The following AGAP1 variants were observed in gnomAD, a reference collection of about 807,000 sequenced individuals.
The protein encoded by AGAP1 is ArfGAP with GTPase domain, ankyrin repeat and PH domain 1.
AGAP1 carries 29 observed loss-of-function variants against 105.3 expected under a neutral mutation model. That is an observed-to-expected ratio of 0.28 (90% CI 0.21 to 0.38). The LOEUF (loss-of-function observed/expected upper bound fraction) is 0.38. Ranked by LOEUF, AGAP1 falls within the 10% of genes least tolerant of loss-of-function variation. The pLI, the probability that AGAP1 is intolerant of heterozygous loss-of-function variation, is 1.00. For synonymous variants in AGAP1, 509 were observed against 485.9 expected (o/e 1.05, Z -0.63); for missense variants, 998 against 1,165.1 (o/e 0.86, Z 2.09).
rs2054855560 is a variant in AGAP1, at chr2:235,976,326, T to G, written c.1645+7703T>G. On this transcript the variant is annotated intron_variant, in intron 13 of 17. Coordinates refer to ENST00000304032, the MANE Select transcript of AGAP1 (RefSeq NM_001037131.3). The surrounding 1 kb of genome is among the most constrained non-coding windows in gnomAD (Gnocchi z 4.5). ...TACTCTAGACATTGACATTGTAGAT[T>G]GGGCACAGTTGACTCAAAAGCCATC... is the stretch of plus-strand genomic sequence containing the variant. 6.6e-6 allele frequency among the ~76,000 whole-genome samples: 1 copy of G among 152,114 alleles called. No homozygotes were observed. Among genetic ancestry groups the G allele is most frequent in the Non-Finnish European group, 1.5e-5 (1 of 68,026 alleles).
intron 1 of AGAP1, among the ~76,000 whole-genome samples, chr2:235,617,861 G>A (rs1310749693): frequency 6.6e-6 from 1 of 152,176 alleles, no homozygotes; most frequent in Non-Finnish European, 1.5e-5. Flanking sequence ...TGGATGCAGT[G>A]CATAGTTTTG....
intron 12 of AGAP1, among the ~76,000 whole-genome samples, chr2:235,955,888 G>A (rs2125287203): frequency 6.6e-6 from 1 of 152,270 alleles, no homozygotes; most frequent in Non-Finnish European, 1.5e-5. Context: ...TCGCTGTACT[G>A]GCCTAAGGAG....
intron 1 of AGAP1, among the ~76,000 whole-genome samples, chr2:235,539,511 G>A (rs528458662): frequency 1.2e-4 from 18 of 152,256 alleles, no homozygotes; most frequent in African/African-American, 3.6e-4. Flanking sequence ...CTTGTTGTGC[G>A]ATTATTTTTT....
intron 1 of AGAP1, among the ~76,000 whole-genome samples, chr2:235,613,600 C>T (rs1242992416): frequency 6.6e-6 from 1 of 152,120 alleles, no homozygotes; most frequent in African/African-American, 2.4e-5. Flanking sequence ...GCCTCTCTCC[C>T]TTTATCTCCC....
intron 3 of AGAP1, among the ~76,000 whole-genome samples, chr2:235,727,904 CCTGG>C (rs1349889231): frequency 6.6e-6 from 1 of 152,130 alleles, no homozygotes; most frequent in Admixed American, 6.5e-5. Context: ...AGTTTGGGGG[CCTGG>C]CTGTGGGTCA....
chr2:235,579,331 C>T (rs1306234543), intron 1 of AGAP1, among the ~76,000 whole-genome samples: 1 of 152,194 alleles, frequency 6.6e-6, no homozygotes, highest in African/African-American at 2.4e-5. Flanking sequence ...GCCCTGAGGT[C>T]TCCAGCCTTT....
chr2:236,111,202 C>G (rs958653792), intron 16 of AGAP1, among the ~76,000 whole-genome samples: 1 of 152,072 alleles, frequency 6.6e-6, no homozygotes, highest in Non-Finnish European at 1.5e-5. Flanking sequence ...GGGAAGGCAC[C>G]CTCACTGCAG....
rs367989200 is a variant in AGAP1, at chr2:235,717,502, A to G, written c.223-55A>G. ...CTATTTTAGCCTCTTAGTATTTGCA[A>G]AATGCCAAATAGAGTGATTTGATGA... On this transcript the variant is annotated intron_variant, in intron 2 of 17. Transcript: ENST00000304032. 3.6e-4 allele frequency: 537 copies of G among 1,492,346 alleles called. 2 individuals are homozygous for G. In the African/African-American group the frequency reaches 5.3e-3, roughly 15 times the overall value. 92.4% of individuals were successfully genotyped at this position (1,492,346 alleles called of 1,614,324 possible).
rs1488218979 is a variant in AGAP1 at position 235,905,698 on chromosome 2, C to T, written c.1156-3040C>T. ...ATTTTTAGTAGAGCAGGCATTTCAC[C>T]GTGTTGGCTAGGCTGGTCTTGAACT... On this transcript the variant is annotated intron_variant, in intron 10 of 17. Transcript: ENST00000304032. This position sits in a 1 kb window ranked among gnomAD's most constrained non-coding sequence, Gnocchi z 4.2. Among the ~76,000 whole-genome samples, 1 of 152,130 alleles carries T rather than the reference C, an allele frequency of 6.6e-6. No individual in the cohort carries two copies. Among genetic ancestry groups the T allele is most frequent in the Non-Finnish European group, 1.5e-5 (1 of 68,030 alleles).
Position 235,964,644 on chromosome 2 carries a change from T to C in AGAP1, c.1484-3818T>C, listed in dbSNP as rs2054316691. Among the ~76,000 whole-genome samples the C allele has an allele frequency of 6.6e-6, 1 of 152,162 alleles. No individual in the cohort carries two copies. The highest frequency in any genetic ancestry group is 6.5e-5 in the Admixed American group (1 of 15,274). ...GAGGCTTCTGAACACTGTTAAATCA[T>C]AAATAAAAATTAATTAGGCTCGCCC... On this transcript the variant is annotated intron_variant, in intron 12 of 17. Coordinates refer to ENST00000304032, the MANE Select transcript of AGAP1 (RefSeq NM_001037131.3). This position sits in a 1 kb window ranked among gnomAD's most constrained non-coding sequence, Gnocchi z 4.6.
chr2:235,894,480 A>G (rs1027763780), intron 10 of AGAP1, among the ~76,000 whole-genome samples: 16 of 152,120 alleles, frequency 1.1e-4, no homozygotes, highest in Admixed American at 9.8e-4. Context: ...GCCTACTTCA[A>G]GTCATACTGC....
rs1010410071 is a variant in AGAP1, at chr2:236,046,729, C to T, written c.1892-2330C>T. ...AAGACTACACAGTCAGAAGAGATGA[C>T]CCCACAGGAGCCCTGAGGTCAGGGA... is the stretch of plus-strand genomic sequence containing the variant. On this transcript the variant is annotated intron_variant, in intron 15 of 17. Transcript: ENST00000304032. The surrounding 1 kb of genome is among the most constrained non-coding windows in gnomAD (Gnocchi z 5.2). Among the ~76,000 whole-genome samples, 2 of 152,116 alleles carry T rather than the reference C, an allele frequency of 1.3e-5. No homozygotes were observed. The highest frequency in any genetic ancestry group is 4.8e-5 in the African/African-American group (2 of 41,418).
intron 9 of AGAP1, among the ~76,000 whole-genome samples, chr2:235,834,480 C>T (rs1349791184): frequency 6.6e-6 from 1 of 152,192 alleles, no homozygotes; most frequent in African/African-American, 2.4e-5. Flanking sequence ...GCCACAGAGC[C>T]CGGTCTGTGA....
At chr2:235,679,737 G>C (rs1013566821) in intron 1 of AGAP1, among the ~76,000 whole-genome samples, 2 of 152,192 alleles carry the variant, frequency 1.3e-5, no homozygotes, top group Non-Finnish European at 2.9e-5. Context: ...TGGCACCAGA[G>C]AGCATTGCCT....
chr2:235,685,521 T>C (rs1949332107), intron 1 of AGAP1, among the ~76,000 whole-genome samples: 1 of 151,592 alleles, frequency 6.6e-6, no homozygotes, highest in Non-Finnish European at 1.5e-5. Flanking sequence ...CCCTGGGACC[T>C]GACCAGTAGA....
At chr2:235,637,870 G>C (rs1947058391) in intron 1 of AGAP1, among the ~76,000 whole-genome samples, 1 of 152,176 alleles carries the variant, frequency 6.6e-6, no homozygotes, top group African/African-American at 2.4e-5. Flanking sequence ...TGATGTCCGA[G>C]TGCAGGAAGA....
chr2:235,494,379 G>C lies in AGAP1; in HGVS notation c.-308G>C, dbSNP rs1289675277. On this transcript the variant is annotated 5_prime_UTR_variant, in exon 1 of 18. Transcript: ENST00000304032. Reference sequence around the variant, plus strand: ...GCGGCTCAGGAAGTCACCCGAGCAAGCCTCCTTCGGGGCCGGCCGCACCCG... The same window carrying C: ...GCGGCTCAGGAAGTCACCCGAGCAACCCTCCTTCGGGGCCGGCCGCACCCG... 1.4e-5 allele frequency: 2 copies of C among 143,916 alleles called. No homozygotes were observed. The highest frequency in any genetic ancestry group is 3.1e-5 in the Non-Finnish European group (2 of 64,768). The allele number at this position is 143,916 out of a possible 1,614,324, so 8.9% of individuals were successfully genotyped here. A position where few individuals can be genotyped will look rare whatever the true frequency, so the allele number is the denominator to read the frequency against.
intron 10 of AGAP1, among the ~76,000 whole-genome samples, chr2:235,886,898 C>T (rs201007665): frequency 0.022 from 3,364 of 152,180 alleles, 113 homozygotes; most frequent in African/African-American, 0.077. Flanking sequence ...CGAGTCCGTT[C>T]TGTTGTGACT....
intron 10 of AGAP1, among the ~76,000 whole-genome samples, chr2:235,899,595 C>T (rs2050966014): frequency 6.6e-6 from 1 of 152,222 alleles, no homozygotes; most frequent in South Asian, 2.1e-4. Flanking sequence ...TAAAGAGACC[C>T]AGACAGGCAG....
Sources: allele counts gnomAD v4.1 joint callset (sites outside exome capture counted in the v4.1 genomes callset), GRCh38; gene constraint gnomAD v4.1.1; non-coding constraint Gnocchi (gnomAD v3.1); transcripts MANE v1.5; gene names NCBI Gene and HGNC (gene_info 2026-07-23, HGNC 2026-07-21).